The following TRIM9 variants were observed in gnomAD, a reference collection of about 807,000 sequenced individuals.
TRIM9 encodes E3 ubiquitin-protein ligase TRIM9.
In TRIM9, 26 loss-of-function variants were observed where a neutral mutation model predicts 78.3. The observed-to-expected ratio is 0.33, with a 90% CI of 0.24 to 0.46. TRIM9 has a LOEUF of 0.46. Among genes scored for constraint, TRIM9 ranks in the 20% least tolerant of loss-of-function variants. TRIM9 has a pLI of 1.00. For missense variants in TRIM9, 787 were observed against 1,036.4 expected, an observed-to-expected ratio of 0.76 and a Z score of 3.30; for synonymous variants, 398 against 416.5, an observed-to-expected ratio of 0.96 and a Z score of 0.54.
At chr14:51,049,431 C>T (rs776567599) in intron 1 of TRIM9, among the ~76,000 whole-genome samples, 7 of 152,158 alleles carry the variant, frequency 4.6e-5, no homozygotes, top group South Asian at 4.1e-4. Flanking sequence ...AGGGCTGCCA[C>T]GATTGCTCAG....
chr14:51,061,717 C>T (rs1310144562), intron 1 of TRIM9, among the ~76,000 whole-genome samples: 1 of 152,204 alleles, frequency 6.6e-6, no homozygotes, highest in East Asian at 1.9e-4. Flanking sequence ...AGTTGAGGTT[C>T]TTTTGTTTTT....
chr14:51,080,555 C>T (rs1596323407), intron 1 of TRIM9, among the ~76,000 whole-genome samples: 1 of 151,868 alleles, frequency 6.6e-6, no homozygotes, highest in Non-Finnish European at 1.5e-5. Flanking sequence ...GGGGTCTTGG[C>T]AATATGTACT....
chr14:51,051,998 G>A (rs957973537), intron 1 of TRIM9, among the ~76,000 whole-genome samples: 3 of 148,492 alleles, frequency 2.0e-5, no homozygotes, highest in African/African-American at 7.5e-5. Context: ...GGAAGGGAAC[G>A]GAAAGGAAAG....
intron 1 of TRIM9, among the ~76,000 whole-genome samples, chr14:51,076,672 GCT>G (rs1192493159): frequency 1.2e-4 from 18 of 152,168 alleles, no homozygotes; most frequent in Non-Finnish European, 1.8e-4. Flanking sequence ...TTCTGGCCAG[GCT>G]CTGTTTTAAG....
chr14:51,003,341 C>T (rs1398591293), intron 5 of TRIM9, among the ~76,000 whole-genome samples: 1 of 152,088 alleles, frequency 6.6e-6, no homozygotes, highest in Non-Finnish European at 1.5e-5. Context: ...AGTTAGCGCC[C>T]ACCATGAAAC....
chr14:51,044,895 T>A (rs1269263741), intron 1 of TRIM9, among the ~76,000 whole-genome samples: 1 of 152,172 alleles, frequency 6.6e-6, no homozygotes, highest in Non-Finnish European at 1.5e-5. Context: ...TTGTTTTGTT[T>A]TTTTCTTTTA....
At chr14:51,027,850 T>C (rs2058394282) in intron 1 of TRIM9, among the ~76,000 whole-genome samples, 1 of 151,048 alleles carries the variant, frequency 6.6e-6, no homozygotes. Flanking sequence ...TTTTTTTTCC[T>C]GAATGAGTAA....
chr14:51,045,386 G>A (rs2059875570), intron 1 of TRIM9, among the ~76,000 whole-genome samples: 1 of 152,202 alleles, frequency 6.6e-6, no homozygotes, highest in African/African-American at 2.4e-5. Context: ...TCATTTTAAC[G>A]TAAGATAGAA....
At position 50,996,413 on chromosome 14, in the gene TRIM9, G is replaced by A. The variant is rs937445958; in HGVS notation, c.1603+1637C>T. The stretch of plus-strand genomic sequence containing the variant: ...GCTACATCCTCCTGCAGGATGAAAC[G>A]AGAGACATAAGTGCTCAGGCTGTTA... On this transcript the variant is annotated intron_variant, in intron 7 of 12. Coordinates refer to ENST00000684578, the MANE Select transcript of TRIM9 (RefSeq NM_001387360.1). 4 of 985,256 alleles carry A rather than the reference G, an allele frequency of 4.1e-6. No individual in the cohort carries two copies. In the African/African-American group the frequency reaches 5.2e-5, roughly 13 times the overall value. The allele number at this position is 985,256 out of a possible 1,614,324, so 61.0% of individuals were successfully genotyped here.
chr14:51,006,803 T>C (rs920052194), intron 5 of TRIM9, among the ~76,000 whole-genome samples: 11 of 152,200 alleles, frequency 7.2e-5, no homozygotes, highest in Non-Finnish European at 1.2e-4. Flanking sequence ...CTGAGAATAC[T>C]TGGTATTCTC....
At chr14:51,007,982 T>C (rs1251380125) in intron 5 of TRIM9, among the ~76,000 whole-genome samples, 1 of 152,218 alleles carries the variant, frequency 6.6e-6, no homozygotes, top group African/African-American at 2.4e-5. Flanking sequence ...TAGATTTTTC[T>C]TAAGAAACAA....
intron 1 of TRIM9, among the ~76,000 whole-genome samples, chr14:51,037,264 T>C (rs541320310): frequency 1.3e-5 from 2 of 152,346 alleles, no homozygotes; most frequent in Admixed American, 1.3e-4. Flanking sequence ...AGCCACTTTA[T>C]ACAAATGTAT....
intron 6 of TRIM9, among the ~76,000 whole-genome samples, chr14:50,999,313 A>G (rs2054630027): frequency 6.6e-6 from 1 of 152,194 alleles, no homozygotes; most frequent in South Asian, 2.1e-4. Context: ...ACAGGCACTG[A>G]AAAGGCAAAG....
At chr14:51,028,199 T>C (rs1247096913) in intron 1 of TRIM9, among the ~76,000 whole-genome samples, 3 of 152,224 alleles carry the variant, frequency 2.0e-5, no homozygotes, top group Non-Finnish European at 4.4e-5. Flanking sequence ...TTTGTGTTTA[T>C]GGTCCGTCCC....
At chr14:50,999,601 G>C (rs756609736) in intron 6 of TRIM9, among the ~76,000 whole-genome samples, 23 of 152,156 alleles carry the variant, frequency 1.5e-4, no homozygotes, top group Non-Finnish European at 1.5e-4. Flanking sequence ...CAGGAAAAGG[G>C]GGCCTTGAGA....
chr14:50,982,400 C>T (rs143650217), intron 10 of TRIM9: 158 of 457,978 alleles, frequency 3.4e-4, no homozygotes, highest in Non-Finnish European at 1.6e-4. Flanking sequence ...GTCCCTTCAC[C>T]TGGTGACTGG....
At chr14:51,062,124 C>CT (rs76379481) in intron 1 of TRIM9, among the ~76,000 whole-genome samples, 20,135 of 152,108 alleles carry the variant, frequency 0.13, 1,512 homozygotes, top group Middle Eastern at 0.2. Context: ...TGATATTGTG[C>CT]TTTTCATTTC....
At chr14:51,066,337 C>A (rs74054031) in intron 1 of TRIM9, among the ~76,000 whole-genome samples, 1 of 152,134 alleles carries the variant, frequency 6.6e-6, no homozygotes, top group African/African-American at 2.4e-5. Context: ...TCATCTCCAT[C>A]TTTGCAAACC....
At chr14:50,999,332 G>A (rs1202003127) in intron 6 of TRIM9, among the ~76,000 whole-genome samples, 1 of 151,942 alleles carries the variant, frequency 6.6e-6, no homozygotes, top group African/African-American at 2.4e-5. Flanking sequence ...AGTCAGGAAT[G>A]AGAAACTGAC....
Sources: allele counts gnomAD v4.1 joint callset (sites outside exome capture counted in the v4.1 genomes callset), GRCh38; gene constraint gnomAD v4.1.1; transcripts MANE v1.5; gene names NCBI Gene and HGNC (gene_info 2026-07-23, HGNC 2026-07-21).